Variants in TOX2 observed in about 807,000 individuals in gnomAD.
TOX2 encodes the protein granulosa cell HMG box 1.
In TOX2, 15 loss-of-function variants were observed where a neutral mutation model predicts 47.4. The observed-to-expected ratio is 0.32, with a 90% confidence interval of 0.21 to 0.49. The LOEUF is 0.49. TOX2 is among the 20% of genes least tolerant of loss of function. The probability of loss-of-function intolerance (pLI) is 0.99; values close to 1 mark genes in which losing one functional copy is unlikely to be tolerated. For synonymous variants in TOX2, 290 were observed against 296.6 expected (o/e 0.98, Z 0.23); for missense variants, 622 against 673.1 (o/e 0.92, Z 0.84).
At chr20:44,003,339 A>G (rs1166443420) in intron 2 of TOX2, among the ~76,000 whole-genome samples, 2 of 151,970 alleles carry the variant, frequency 1.3e-5, no homozygotes, top group Non-Finnish European at 2.9e-5. Context: ...GTGCATGGCC[A>G]CACACCCAGT....
Position 44,065,797 on chromosome 20 carries a change from T to C in TOX2, c.1046T>C (p.Met349Thr), listed in dbSNP as rs2071804592. ...MLPPKQPMYAMPGLASFLTPS... is the reference protein window; with the variant it reads ...MLPPKQPMYATPGLASFLTPS... ...CCACCCAAGCAGCCCATGTATGCCA[T>C]GCCAGGCCTGGCCTCCTTCCTGACG... Residue 349 changes from methionine to threonine, a missense_variant, in exon 7 of 9, where the codon ATG becomes ACG. Met to Thr is a moderately conservative substitution (Grantham distance 81, BLOSUM62 -1). Transcript: ENST00000341197. 6.2e-7 allele frequency: 1 copy of C among 1,613,690 alleles called. No homozygotes were observed. The highest frequency in any genetic ancestry group is 8.5e-7 in the Non-Finnish European group (1 of 1,179,642).
intron 1 of TOX2, among the ~76,000 whole-genome samples, chr20:43,924,590 G>A (rs1403911346): frequency 1.3e-5 from 2 of 152,174 alleles, no homozygotes; most frequent in Non-Finnish European, 2.9e-5. Flanking sequence ...CTCAATGCAG[G>A]TCAGTGTTTC....
At chr20:44,011,428 G>T (rs1241651316) in intron 3 of TOX2, among the ~76,000 whole-genome samples, 1 of 152,064 alleles carries the variant, frequency 6.6e-6, no homozygotes, top group Non-Finnish European at 1.5e-5. Flanking sequence ...AATAGCATCA[G>T]TGTGTGGTGC....
chr20:43,984,857 G>A (rs1466877457), intron 2 of TOX2, among the ~76,000 whole-genome samples: 1 of 152,140 alleles, frequency 6.6e-6, no homozygotes, highest in Non-Finnish European at 1.5e-5. Flanking sequence ...TAGCAGTGGG[G>A]TGGACACGTG....
intron 1 of TOX2, among the ~76,000 whole-genome samples, chr20:43,921,656 C>G (rs1482974296): frequency 1.3e-5 from 2 of 151,902 alleles, no homozygotes; most frequent in Non-Finnish European, 2.9e-5. Context: ...TGTTCTTCTT[C>G]TTCTTCTTTT....
At chr20:44,029,264 A>C (rs527559639) in intron 3 of TOX2, among the ~76,000 whole-genome samples, 2 of 152,358 alleles carry the variant, frequency 1.3e-5, no homozygotes, top group East Asian at 3.9e-4. Flanking sequence ...AAGATTAGTC[A>C]AAACAAGACG....
At chr20:43,960,508 G>T (rs1203592741) in intron 1 of TOX2, among the ~76,000 whole-genome samples, 6 of 152,202 alleles carry the variant, frequency 3.9e-5, no homozygotes, top group Non-Finnish European at 8.8e-5. Context: ...ACAGGTGGAG[G>T]CCTCCGTTGT....
chr20:43,919,986 G>T (rs1343410001), intron 1 of TOX2, among the ~76,000 whole-genome samples: 1 of 152,130 alleles, frequency 6.6e-6, no homozygotes, highest in Non-Finnish European at 1.5e-5. Context: ...CAGATTCTTG[G>T]GCTCCACCCC....
intron 2 of TOX2, among the ~76,000 whole-genome samples, chr20:43,994,458 C>CAAAA (rs1569074928): frequency 8.5e-5 from 5 of 58,626 alleles, no homozygotes; most frequent in South Asian, 8.6e-4. Flanking sequence ...GACCCTGTCT[C>CAAAA]CAAAAAAAAA....
intron 1 of TOX2, among the ~76,000 whole-genome samples, chr20:43,920,646 G>T (rs1461987915): frequency 6.6e-6 from 1 of 152,218 alleles, no homozygotes; most frequent in Non-Finnish European, 1.5e-5. Context: ...GGCAGGACCA[G>T]CAGCCCAAGC....
At chr20:43,928,309 T>C (rs1384252463) in intron 1 of TOX2, among the ~76,000 whole-genome samples, 2 of 152,248 alleles carry the variant, frequency 1.3e-5, no homozygotes, top group Admixed American at 1.3e-4. Flanking sequence ...GCACCTGGTG[T>C]AGTTAGCTTC....
chr20:43,928,440 G>A (rs1342676083), intron 1 of TOX2, among the ~76,000 whole-genome samples: 1 of 152,242 alleles, frequency 6.6e-6, no homozygotes, highest in African/African-American at 2.4e-5. Context: ...GTTTCCTGCA[G>A]CTGCTCTTGT....
At chr20:44,038,167 G>T (rs528517345) in intron 3 of TOX2, among the ~76,000 whole-genome samples, 4 of 152,338 alleles carry the variant, frequency 2.6e-5, no homozygotes, top group African/African-American at 9.6e-5. Flanking sequence ...GAGCTGAGGA[G>T]GGTGGATCGC....
chr20:44,025,337 C>T (rs117881913), intron 3 of TOX2, among the ~76,000 whole-genome samples: 2,021 of 150,844 alleles, frequency 0.013, 20 homozygotes, highest in Middle Eastern at 0.055. Flanking sequence ...GCCTTTGCAC[C>T]CCCATGTCCA....
intron 3 of TOX2, among the ~76,000 whole-genome samples, chr20:44,032,827 C>T (rs2071177259): frequency 2.6e-5 from 4 of 152,184 alleles, no homozygotes; most frequent in Admixed American, 2.6e-4. Context: ...AACCAGCCCC[C>T]AAAGGGGACA....
At chr20:44,045,492 T>C (rs1015234960) in intron 3 of TOX2, among the ~76,000 whole-genome samples, 1 of 152,240 alleles carries the variant, frequency 6.6e-6, no homozygotes, top group Non-Finnish European at 1.5e-5. Context: ...ACTGTGTGTA[T>C]GTCTTCTTGT....
intron 1 of TOX2, among the ~76,000 whole-genome samples, chr20:43,936,498 T>C (rs990476543): frequency 6.6e-6 from 1 of 152,208 alleles, no homozygotes; most frequent in Non-Finnish European, 1.5e-5. Flanking sequence ...AGGCTCTCCC[T>C]CCCTGCATCA....
At chr20:44,036,743 G>A (rs1173361556) in intron 3 of TOX2, among the ~76,000 whole-genome samples, 1 of 152,190 alleles carries the variant, frequency 6.6e-6, no homozygotes, top group Non-Finnish European at 1.5e-5. Context: ...ATTGAGTTGA[G>A]TAGTGATTAG....
intron 3 of TOX2, 150 bp from the exon 4 acceptor site, chr20:44,051,156 C>A: frequency 8.1e-7 from 1 of 1,240,280 alleles, no homozygotes; most frequent in Non-Finnish European, 1.1e-6. Context: ...GCATGAGGCT[C>A]CATCTTGAGA....
Sources: gnomAD v4.1 joint callset for allele counts (sites outside exome capture counted in the v4.1 genomes callset) on GRCh38, gnomAD v4.1.1 for gene constraint, MANE v1.5 for transcripts, NCBI Gene and HGNC (gene_info 2026-07-23, HGNC 2026-07-21) for gene names.